Variants in COL23A1 observed in about 807,000 individuals in gnomAD.
COL23A1 encodes collagen type XXIII alpha 1 chain, also known as collagen alpha-1(XXIII) chain.
Under a neutral mutation model 99.3 loss-of-function variants are expected in COL23A1, and 97 were observed. The ratio of observed to expected loss-of-function variants is 0.98; its 90% confidence interval spans 0.83 to 1.16. COL23A1 has a LOEUF of 1.16. Among genes scored for constraint, COL23A1 ranks in the 50% most tolerant of loss-of-function variants. The pLI, the probability that COL23A1 is intolerant of heterozygous loss-of-function variation, is 0.00. For missense variants in COL23A1, 762 were observed against 757.4 expected (o/e 1.01, Z -0.07); for synonymous variants, 320 against 308.2 (o/e 1.04, Z -0.40).
At chr5:178,414,333 TTA>T (rs1765192541) in intron 2 of COL23A1, among the ~76,000 whole-genome samples, 1 of 152,070 alleles carries the variant, frequency 6.6e-6, no homozygotes, top group Non-Finnish European at 1.5e-5. Flanking sequence ...TGTATGTACC[TTA>T]TGTCACCACC....
At chr5:178,263,976 G>T (rs1765773085) in intron 8 of COL23A1, among the ~76,000 whole-genome samples, 1 of 152,156 alleles carries the variant, frequency 6.6e-6, no homozygotes, top group Admixed American at 6.5e-5. Context: ...ATACTGTGTG[G>T]CTGTATCTAC....
intron 27 of COL23A1, among the ~76,000 whole-genome samples, chr5:178,239,509 C>T (rs1317841341): frequency 1.3e-5 from 2 of 151,378 alleles, no homozygotes; most frequent in East Asian, 3.9e-4. Context: ...CTGGGTCCTG[C>T]CGAGAGCCGT....
chr5:178,529,542 CA>C (rs1370553146), intron 2 of COL23A1, among the ~76,000 whole-genome samples: 1 of 152,192 alleles, frequency 6.6e-6, no homozygotes, highest in Non-Finnish European at 1.5e-5. Context: ...TTACATAAAC[CA>C]AAATCAAACA....
At chr5:178,360,026 C>A (rs952132725) in intron 2 of COL23A1, among the ~76,000 whole-genome samples, 4 of 152,142 alleles carry the variant, frequency 2.6e-5, no homozygotes, top group Admixed American at 1.3e-4. Context: ...AGCAGCCGCT[C>A]GCATCATAGG....
At chr5:178,257,618 G>T in intron 12 of COL23A1, 51 bp from the exon 13 acceptor site, 2 of 1,534,908 alleles carry the variant, frequency 1.3e-6, no homozygotes, top group Non-Finnish European at 1.8e-6. Flanking sequence ...GGTGGCCAGT[G>T]GGCCCCTCCC....
intron 2 of COL23A1, among the ~76,000 whole-genome samples, chr5:178,357,790 GTGTGTA>G (rs1410257511): frequency 2.7e-5 from 4 of 145,854 alleles, no homozygotes; most frequent in African/African-American, 1.0e-4. Context: ...GTGTATGTGT[GTGTGTA>G]TGTGTGTGTG....
intron 2 of COL23A1, among the ~76,000 whole-genome samples, chr5:178,518,799 C>T (rs1180906223): frequency 1.3e-5 from 2 of 149,590 alleles, no homozygotes; most frequent in Non-Finnish European, 3.0e-5. Flanking sequence ...GGCGGCTGCT[C>T]CTTGCCCTCG....
rs2546634 is a variant in COL23A1, at chr5:178,468,969, T to C, written c.361+91713A>G. Among the ~76,000 whole-genome samples the C allele has an allele frequency of 0.81, 122,748 of 152,086 alleles. 50,580 individuals carry two copies. The highest frequency in any genetic ancestry group is 0.9 in the Non-Finnish European group (61,136 of 68,022). On this transcript the variant is annotated intron_variant, in intron 2 of 28. Coordinates refer to ENST00000390654, the MANE Select transcript of COL23A1 (RefSeq NM_173465.4). This position sits in a 1 kb window ranked among gnomAD's most constrained non-coding sequence, Gnocchi z 4.2. ...CTGGTTTCCGTCTCTATGAATTTGA[T>C]GACTGGGTGCCTCACATAAGTGGAA... is the stretch of plus-strand genomic sequence containing the variant.
intron 2 of COL23A1, among the ~76,000 whole-genome samples, chr5:178,486,450 ACGTGTAGAAAG>A (rs1285154086): frequency 1.3e-5 from 2 of 152,240 alleles, no homozygotes. Context: ...CGTAATTACC[ACGTGTAGAAAG>A]CAAAACGTTG....
chr5:178,349,788 G>T (rs992316737), intron 2 of COL23A1, among the ~76,000 whole-genome samples: 2 of 152,204 alleles, frequency 1.3e-5, no homozygotes, highest in South Asian at 2.1e-4. Flanking sequence ...GGGTGAGAGT[G>T]GGGGGAGGTC....
intron 2 of COL23A1, among the ~76,000 whole-genome samples, chr5:178,552,131 A>G (rs1230266660): frequency 6.6e-6 from 1 of 152,104 alleles, no homozygotes; most frequent in African/African-American, 2.4e-5. Context: ...CTCTCCTTGT[A>G]ATTTCTGTAG....
chr5:178,559,076 C>T (rs1333663872), intron 2 of COL23A1, among the ~76,000 whole-genome samples: 1 of 152,234 alleles, frequency 6.6e-6, no homozygotes, highest in African/African-American at 2.4e-5. Flanking sequence ...AGGCGTGGGC[C>T]ACCGCGCCCG....
intron 3 of COL23A1, among the ~76,000 whole-genome samples, chr5:178,300,616 C>T (rs1175053924): frequency 1.3e-5 from 2 of 151,788 alleles, no homozygotes; most frequent in African/African-American, 4.8e-5. Flanking sequence ...GTGGCATGAT[C>T]TTGGCTCACT....
rs146401961 is a variant in COL23A1 at position 178,281,902 on chromosome 5, A to T, written c.441+6422T>A. ...CTGTGTCTATTAAAAACACAAAAAA[A>T]TCAGCCAGGCGTGGTGGTGCGTACC... On this transcript the variant is annotated intron_variant, in intron 5 of 28. Transcript: ENST00000390654. The surrounding 1 kb of genome is among the most constrained non-coding windows in gnomAD (Gnocchi z 4.0). Among the ~76,000 whole-genome samples the T allele has an allele frequency of 0.015, 2,212 of 151,802 alleles. 60 individuals are homozygous for T. Among genetic ancestry groups the T allele is most frequent in the African/African-American group, 0.051 (2,125 of 41,364 alleles).
At position 178,329,936 on chromosome 5, in the gene COL23A1, CAA is replaced by C. The variant is rs11367167; in HGVS notation, c.362-23019_362-23018del. 2.8e-3 allele frequency among the ~76,000 whole-genome samples: 380 copies of C among 135,308 alleles called. 2 individuals carry two copies. Among genetic ancestry groups the C allele is most frequent in the African/African-American group, 5.7e-3 (209 of 36,774 alleles). 88.8% of individuals were successfully genotyped at this position (135,308 alleles called of 152,430 possible). Reference sequence around the variant, plus strand: ...TGGATGACACAGTGAGATTCTGTCTCAAAAAAAAAAAAAAAAGAAGAAAGAAA... The same window carrying C: ...TGGATGACACAGTGAGATTCTGTCTCAAAAAAAAAAAAAAGAAGAAAGAAA... On this transcript the variant is annotated intron_variant, in intron 2 of 28. Transcript: ENST00000390654.
intron 5 of COL23A1, among the ~76,000 whole-genome samples, chr5:178,276,633 C>T (rs1756598799): frequency 6.6e-6 from 1 of 152,222 alleles, no homozygotes; most frequent in Non-Finnish European, 1.5e-5. Flanking sequence ...GGCGGGTCAG[C>T]ACCATACGGT....
intron 5 of COL23A1, among the ~76,000 whole-genome samples, chr5:178,285,048 G>A (rs767052306): frequency 6.6e-6 from 1 of 152,152 alleles, no homozygotes; most frequent in Non-Finnish European, 1.5e-5. Context: ...ATGCATCCTC[G>A]GGAGCAGAGA....
intron 2 of COL23A1, among the ~76,000 whole-genome samples, chr5:178,463,891 A>G (rs4280893): frequency 0.93 from 142,314 of 152,214 alleles, 66,628 homozygotes; most frequent in East Asian, 1. Context: ...GCTGCTCTTC[A>G]GAAACCAGCC....
At chr5:178,489,166 T>G (rs1482474730) in intron 2 of COL23A1, among the ~76,000 whole-genome samples, 2 of 151,596 alleles carry the variant, frequency 1.3e-5, no homozygotes, top group Non-Finnish European at 2.9e-5. Flanking sequence ...TCAATGTGGG[T>G]GGGCACCACC....
Sources: gnomAD v4.1 joint callset for allele counts (sites outside exome capture counted in the v4.1 genomes callset) on GRCh38, gnomAD v4.1.1 for gene constraint, Gnocchi (gnomAD v3.1) non-coding constraint, MANE v1.5 for transcripts, NCBI Gene and HGNC (gene_info 2026-07-23, HGNC 2026-07-21) for gene names.